GABRA3: variants seen among roughly 807,000 people sequenced by gnomAD.
The protein encoded by GABRA3 is gamma-aminobutyric acid type A receptor subunit alpha3, also known as gamma-aminobutyric acid receptor subunit alpha-3.
GABRA3 carries 10 observed loss-of-function variants against 30.1 expected under a neutral mutation model. The observed-to-expected ratio is 0.33, with a 90% CI of 0.20 to 0.56. GABRA3 has a LOEUF of 0.56. Among genes scored for constraint, GABRA3 ranks in the 20% least tolerant of loss-of-function variants. GABRA3 has a pLI of 0.89. For missense variants in GABRA3, 233 were observed against 392.0 expected (o/e 0.59, Z 3.42); for synonymous variants, 151 against 146.8 (o/e 1.03, Z -0.21).
chrX:152,297,087 T>A (rs1362299653), intron 3 of GABRA3, among the ~76,000 whole-genome samples: 1 of 111,547 alleles, frequency 9.0e-6, no homozygotes, highest in Non-Finnish European at 1.9e-5. Context: ...ACCAAAACAT[T>A]TAAGAGATCA....
chrX:152,373,356 G>C (rs1286389455), intron 1 of GABRA3, among the ~76,000 whole-genome samples: 2 of 111,458 alleles, frequency 1.8e-5, no homozygotes, highest in African/African-American at 6.5e-5. Context: ...ACACGTGTAT[G>C]TATCTTTATA....
intron 3 of GABRA3, among the ~76,000 whole-genome samples, chrX:152,303,850 A>G (rs1334598612): frequency 9.0e-6 from 1 of 110,653 alleles, no homozygotes; most frequent in Non-Finnish European, 1.9e-5. Context: ...TAGGACAAAC[A>G]CCTAACGCAT....
chrX:152,220,530 T>C (rs1161840551), intron 6 of GABRA3, among the ~76,000 whole-genome samples: 1 of 111,859 alleles, frequency 8.9e-6, no homozygotes, highest in Non-Finnish European at 1.9e-5. Context: ...ATATGCCTTT[T>C]GGTATACATA....
intron 3 of GABRA3, among the ~76,000 whole-genome samples, chrX:152,324,006 G>A (rs893447097): frequency 1.8e-5 from 2 of 112,039 alleles, no homozygotes; most frequent in Non-Finnish European, 3.8e-5. Flanking sequence ...TACATCCCCA[G>A]AGCACTTAGC....
chrX:152,295,430 T>C (rs1422101162), intron 3 of GABRA3, among the ~76,000 whole-genome samples: 1 of 112,991 alleles, frequency 8.9e-6, no homozygotes, highest in Non-Finnish European at 1.9e-5. Flanking sequence ...TGCCAGGCTG[T>C]TGCCTCACAG....
At position 152,296,742 on chromosome X, in the gene GABRA3, C is replaced by G. The variant is rs977660512; in HGVS notation, c.263-12007G>C. Among the ~76,000 whole-genome samples, 2 of 108,453 alleles carry G rather than the reference C, an allele frequency of 1.8e-5. 1 individual carries two copies. The highest frequency in any genetic ancestry group is 3.8e-5 in the Non-Finnish European group (2 of 52,256). 94.2% of individuals were successfully genotyped at this position (108,453 alleles called of 115,157 possible). A position where few individuals can be genotyped will look rare whatever the true frequency, so the allele number is the denominator to read the frequency against. ...TGAGACAGAGTCTCACACAGTTGCC[C>G]AGGCTGGAATGCAGTGGCATGATCT... On this transcript the variant is annotated intron_variant, in intron 3 of 9. Coordinates refer to ENST00000370314, the MANE Select transcript of GABRA3 (RefSeq NM_000808.4).
At chrX:152,256,078 C>G (rs1375275433) in intron 4 of GABRA3, 80 bp from the exon 5 acceptor site, 1 of 688,796 alleles carries the variant, frequency 1.5e-6, no homozygotes, top group Non-Finnish European at 2.3e-6. Flanking sequence ...ATATTAATTA[C>G]CTTGCAGTAT....
At chrX:152,211,456 G>A (rs780350097) in intron 6 of GABRA3, among the ~76,000 whole-genome samples, 2 of 111,313 alleles carry the variant, frequency 1.8e-5, no homozygotes, top group South Asian at 7.6e-4. Context: ...GGAACAGAGG[G>A]ATTTGAGGAG....
At chrX:152,349,628 A>G (rs1444577198) in intron 2 of GABRA3, among the ~76,000 whole-genome samples, 1 of 104,583 alleles carries the variant, frequency 9.6e-6, no homozygotes, top group Non-Finnish European at 2.0e-5. Flanking sequence ...AAGCAAATGG[A>G]AAACAAAAAA....
chrX:152,331,616 G>A lies in GABRA3; in HGVS notation c.262+13965C>T, dbSNP rs767582942. On this transcript the variant is annotated intron_variant, in intron 3 of 9. Transcript: ENST00000370314. ...ATACCAGCCAGCTATTGCACAGTAG[G>A]GGCCCAAGTATAGCAGTAAAACAAT... Among the ~76,000 whole-genome samples, 5 of 111,708 alleles carry A rather than the reference G, an allele frequency of 4.5e-5. No homozygotes were observed. In the South Asian group the frequency reaches 1.9e-3, roughly 42 times the overall value.
intron 5 of GABRA3, among the ~76,000 whole-genome samples, chrX:152,241,617 T>G (rs1264087924): frequency 9.1e-6 from 1 of 109,653 alleles, no homozygotes; most frequent in Non-Finnish European, 1.9e-5. Flanking sequence ...GCTGCTGCTT[T>G]GCAGTTTGAT....
At chrX:152,327,584 C>T (rs1351422249) in intron 3 of GABRA3, among the ~76,000 whole-genome samples, 1 of 111,972 alleles carries the variant, frequency 8.9e-6, no homozygotes, top group African/African-American at 3.3e-5. Flanking sequence ...AACTGAACAA[C>T]CTGCTCCTGA....
Position 152,364,558 on chromosome X carries a change from G to T in GABRA3, c.13C>A (p.Gln5Lys), listed in dbSNP as rs1928603321. The change falls in exon 2 of 10, where the codon CAA becomes AAA. Residue 5 changes from glutamine to lysine, a missense_variant. This residue lies in a region of GABRA3 where 69 missense variants were observed against 79.4 expected (regional missense o/e 0.87). Coordinates refer to ENST00000370314, the MANE Select transcript of GABRA3 (RefSeq NM_000808.4). ...CTGGTCATGTAACAGTGACTTGTTT[G>T]TGTGATTATCATCTTCTTAGGCACA... is the stretch of plus-strand genomic sequence containing the variant. MIIT[Q>K]TSHCYMTSLG... is the part of the protein sequence containing the mutation. 8.3e-7 allele frequency: 1 copy of T among 1,205,870 alleles called. No individual in the cohort carries two copies. Among genetic ancestry groups the T allele is most frequent in the Non-Finnish European group, 1.1e-6 (1 of 892,257 alleles).
chrX:152,422,281 C>A (rs1023103319), intron 1 of GABRA3, among the ~76,000 whole-genome samples: 1 of 111,083 alleles, frequency 9.0e-6, no homozygotes, highest in African/African-American at 3.3e-5. Context: ...TTGAATAAAA[C>A]AAGCCATACA....
chrX:152,186,400 C>T (rs1257471714), intron 9 of GABRA3, among the ~76,000 whole-genome samples: 5 of 110,187 alleles, frequency 4.5e-5, no homozygotes, highest in African/African-American at 9.9e-5. Context: ...TGGGGTTCCG[C>T]CATGTTGGCC....
chrX:152,287,023 A>C (rs1375924076), intron 3 of GABRA3, among the ~76,000 whole-genome samples: 1 of 111,627 alleles, frequency 9.0e-6, no homozygotes, highest in African/African-American at 3.3e-5. Context: ...TCATTGGCTA[A>C]AGAAGCAAAT....
At chrX:152,396,278 G>C (rs561919978) in intron 1 of GABRA3, among the ~76,000 whole-genome samples, 3 of 112,022 alleles carry the variant, frequency 2.7e-5, no homozygotes, top group African/African-American at 6.5e-5. Flanking sequence ...TGCTAGGCTC[G>C]AGAGAGAGCA....
At chrX:152,225,302 C>T (rs1374458718) in intron 5 of GABRA3, among the ~76,000 whole-genome samples, 1 of 110,396 alleles carries the variant, frequency 9.1e-6, no homozygotes, top group African/African-American at 3.3e-5. Flanking sequence ...TGATCATTAA[C>T]AGACAGACAA....
intron 5 of GABRA3, among the ~76,000 whole-genome samples, chrX:152,236,013 C>CT (rs2124394311): frequency 1.4e-5 from 1 of 72,637 alleles, no homozygotes; most frequent in East Asian, 4.3e-4. Context: ...TTTTATTATA[C>CT]TTTAAGTTTT....
Sources: allele counts gnomAD v4.1 joint callset (sites outside exome capture counted in the v4.1 genomes callset), GRCh38; gene constraint gnomAD v4.1.1; regional missense constraint gnomAD v4.1.1; transcripts MANE v1.5; gene names NCBI Gene and HGNC (gene_info 2026-07-23, HGNC 2026-07-21).